GRID2: variants seen among roughly 807,000 people sequenced by gnomAD.
The protein encoded by GRID2 is glutamate ionotropic receptor delta type subunit 2, also known as glutamate receptor ionotropic, delta-2.
In GRID2, 33 loss-of-function variants were observed where a neutral mutation model predicts 114.8. The observed-to-expected ratio is 0.29, with a 90% confidence interval of 0.22 to 0.38. The LOEUF (loss-of-function observed/expected upper bound fraction) is 0.38, where lower values mean the gene tolerates loss of function less well. GRID2 is among the 10% of genes least tolerant of loss of function. GRID2 has a pLI of 1.00. For synonymous variants in GRID2, 505 were observed against 449.9 expected (o/e 1.12, Z -1.55); for missense variants, 1,184 against 1,257.7 (o/e 0.94, Z 0.89).
intron 3 of GRID2, among the ~76,000 whole-genome samples, chr4:93,109,389 G>A (rs930410296): frequency 2.6e-5 from 4 of 152,126 alleles, no homozygotes; most frequent in Non-Finnish European, 5.9e-5. Flanking sequence ...TGAAATGAAA[G>A]AATTCAGAAG....
chr4:93,628,834 C>T (rs1038772136), intron 14 of GRID2, among the ~76,000 whole-genome samples: 8 of 148,918 alleles, frequency 5.4e-5, no homozygotes, highest in East Asian at 2.0e-4. Flanking sequence ...GGTGCGATCT[C>T]GGCTCACTGC....
At chr4:92,374,904 A>G (rs1173580150) in intron 1 of GRID2, among the ~76,000 whole-genome samples, 1 of 152,182 alleles carries the variant, frequency 6.6e-6, no homozygotes, top group Non-Finnish European at 1.5e-5. Context: ...ATCAATCTGA[A>G]TATGTGGATA....
intron 2 of GRID2, among the ~76,000 whole-genome samples, chr4:93,016,056 TGTGTGA>T (rs899904764): frequency 3.6e-5 from 4 of 112,346 alleles, no homozygotes; most frequent in Non-Finnish European, 7.5e-5. Context: ...GGGAAGTGTG[TGTGTGA>T]GTGTGTGTGT....
At chr4:93,092,853 A>AACAC (rs140206175) in intron 3 of GRID2, among the ~76,000 whole-genome samples, 20 of 151,268 alleles carry the variant, frequency 1.3e-4, no homozygotes, top group African/African-American at 4.9e-4. Context: ...TACACACACA[A>AACAC]ACACACACAC....
intron 8 of GRID2, among the ~76,000 whole-genome samples, chr4:93,344,537 A>T (rs1270102796): frequency 6.6e-6 from 1 of 151,282 alleles, no homozygotes; most frequent in Non-Finnish European, 1.5e-5. Flanking sequence ...CAAGCTAATT[A>T]ACATCTATTG....
chr4:93,593,106 T>A (rs1036012617), intron 13 of GRID2, among the ~76,000 whole-genome samples: 1 of 152,032 alleles, frequency 6.6e-6, no homozygotes, highest in African/African-American at 2.4e-5. Context: ...CATTATGATG[T>A]TAGCTGGTTA....
intron 13 of GRID2, among the ~76,000 whole-genome samples, chr4:93,526,103 G>C (rs954201069): frequency 2.0e-5 from 3 of 152,120 alleles, no homozygotes; most frequent in Admixed American, 6.5e-5. Flanking sequence ...ATTTCAAATT[G>C]TAATCCCCAT....
chr4:93,164,227 A>C (rs1187884562), intron 4 of GRID2, among the ~76,000 whole-genome samples: 1 of 152,068 alleles, frequency 6.6e-6, no homozygotes, highest in East Asian at 1.9e-4. Context: ...ATGGCTCAGC[A>C]GAAATTGTAG....
At chr4:92,619,755 C>T (rs934787377) in intron 2 of GRID2, among the ~76,000 whole-genome samples, 2 of 151,188 alleles carry the variant, frequency 1.3e-5, no homozygotes, top group Admixed American at 6.6e-5. Flanking sequence ...AAGTGATTTC[C>T]AATTTGTTGT....
intron 2 of GRID2, among the ~76,000 whole-genome samples, chr4:92,640,625 A>G (rs1430671119): frequency 6.6e-6 from 1 of 151,850 alleles, no homozygotes; most frequent in African/African-American, 2.4e-5. Flanking sequence ...TAGGGATGAA[A>G]AAGACAACTG....
chr4:93,226,162 A>G (rs890104749), intron 7 of GRID2, among the ~76,000 whole-genome samples: 17 of 152,206 alleles, frequency 1.1e-4, no homozygotes. Context: ...CCGCTCACAT[A>G]TAAAATATAT....
intron 2 of GRID2, among the ~76,000 whole-genome samples, chr4:92,821,467 T>C (rs1199229809): frequency 1.3e-5 from 2 of 152,194 alleles, no homozygotes; most frequent in Non-Finnish European, 2.9e-5. Context: ...GTTTGTTTTT[T>C]TTAAGTTTCT....
At chr4:93,400,692 G>A (rs1765796776) in intron 9 of GRID2, among the ~76,000 whole-genome samples, 1 of 152,058 alleles carries the variant, frequency 6.6e-6, no homozygotes, top group Admixed American at 6.6e-5. Flanking sequence ...ACCATAAATT[G>A]GCATTTGGGA....
chr4:93,013,194 G>A (rs1196614613), intron 2 of GRID2, among the ~76,000 whole-genome samples: 2 of 152,044 alleles, frequency 1.3e-5, no homozygotes, highest in Non-Finnish European at 2.9e-5. Flanking sequence ...CACAGTGGTA[G>A]AGGAAGTTGA....
intron 14 of GRID2, among the ~76,000 whole-genome samples, chr4:93,682,133 C>T (rs1303154847): frequency 6.6e-6 from 1 of 151,514 alleles, no homozygotes; most frequent in Non-Finnish European, 1.5e-5. Context: ...TATGAACAGA[C>T]ACTTCTCAAA....
At chr4:92,973,520 C>A (rs1164138421) in intron 2 of GRID2, among the ~76,000 whole-genome samples, 1 of 152,152 alleles carries the variant, frequency 6.6e-6, no homozygotes, top group Non-Finnish European at 1.5e-5. Context: ...ACTATTCTAC[C>A]TCTATTATTT....
intron 8 of GRID2, among the ~76,000 whole-genome samples, chr4:93,267,484 T>G (rs1750983206): frequency 6.6e-6 from 1 of 152,184 alleles, no homozygotes; most frequent in Non-Finnish European, 1.5e-5. Flanking sequence ...GCCTAGCAAG[T>G]GATATTGGGA....
At chr4:93,035,097 ACTGT>A (rs1361706370) in intron 2 of GRID2, among the ~76,000 whole-genome samples, 3 of 140,812 alleles carry the variant, frequency 2.1e-5, no homozygotes, top group African/African-American at 8.0e-5. Context: ...AATCCCTATC[ACTGT>A]CTGCTTTTTT....
chr4:93,321,330 C>T (rs537225694), intron 8 of GRID2, among the ~76,000 whole-genome samples: 1 of 151,980 alleles, frequency 6.6e-6, no homozygotes, highest in Admixed American at 6.6e-5. Context: ...TAAAAAAAAG[C>T]CTGATATCTA....
Sources: allele counts gnomAD v4.1 joint callset (sites outside exome capture counted in the v4.1 genomes callset), GRCh38; gene constraint gnomAD v4.1.1; transcripts MANE v1.5; gene names NCBI Gene and HGNC (gene_info 2026-07-23, HGNC 2026-07-21).